Variants in DGKI observed in about 807,000 individuals in gnomAD.
The protein encoded by DGKI is diacylglycerol kinase iota, also known as DAG kinase iota.
Under a neutral mutation model 147.5 loss-of-function variants are expected in DGKI, and 55 were observed. The observed-to-expected ratio is 0.37, with a 90% CI of 0.30 to 0.47. DGKI has a LOEUF of 0.47. Among genes scored for constraint, DGKI ranks in the 20% least tolerant of loss-of-function variants. The pLI, the probability that DGKI is intolerant of heterozygous loss-of-function variation, is 1.00. For missense variants in DGKI, 1,007 were observed against 1,323.8 expected (o/e 0.76, Z 3.71); for synonymous variants, 469 against 477.1 (o/e 0.98, Z 0.22).
At chr7:137,834,393 A>T (rs564312487) in intron 1 of DGKI, among the ~76,000 whole-genome samples, 1 of 152,186 alleles carries the variant, frequency 6.6e-6, no homozygotes, top group Non-Finnish European at 1.5e-5. Flanking sequence ...GAGAGGCATT[A>T]ATTGTTCGAG....
intron 1 of DGKI, among the ~76,000 whole-genome samples, chr7:137,729,773 T>C (rs1794817237): frequency 6.6e-6 from 1 of 152,122 alleles, no homozygotes; most frequent in Non-Finnish European, 1.5e-5. Flanking sequence ...TGTCTTTTTC[T>C]TGAAATTTTC....
chr7:137,451,812 T>C (rs1040150030), intron 27 of DGKI, among the ~76,000 whole-genome samples: 30 of 152,128 alleles, frequency 2.0e-4, no homozygotes, highest in African/African-American at 7.3e-4. Flanking sequence ...TCAATAACAC[T>C]GTCCAGTTTT....
At chr7:137,438,507 G>A (rs890215275) in intron 28 of DGKI, among the ~76,000 whole-genome samples, 17 of 152,008 alleles carry the variant, frequency 1.1e-4, no homozygotes, top group African/African-American at 4.1e-4. Context: ...GATCACTCTG[G>A]AAAACAACAT....
chr7:137,732,441 T>C (rs535673606), intron 1 of DGKI, among the ~76,000 whole-genome samples: 2 of 152,130 alleles, frequency 1.3e-5, no homozygotes, highest in East Asian at 3.9e-4. Context: ...TGTTCAACAG[T>C]TAATGTCTTA....
chr7:137,568,567 A>C (rs997502510), intron 19 of DGKI, among the ~76,000 whole-genome samples: 11 of 152,200 alleles, frequency 7.2e-5, no homozygotes, highest in African/African-American at 2.7e-4. Context: ...GAAGATCTAG[A>C]GGTCAAGGTG....
chr7:137,771,421 C>T (rs1265456768), intron 1 of DGKI, among the ~76,000 whole-genome samples: 1 of 152,148 alleles, frequency 6.6e-6, no homozygotes. Flanking sequence ...AAAGCATTTA[C>T]TTACTAGTTA....
chr7:137,664,193 G>T (rs532855177), intron 3 of DGKI, among the ~76,000 whole-genome samples: 1 of 151,878 alleles, frequency 6.6e-6, no homozygotes, highest in African/African-American at 2.4e-5. Context: ...CCTGGCCAAC[G>T]TGTCAAAAGC....
chr7:137,469,438 A>G (rs763074384), intron 24 of DGKI, 112 bp downstream of exon 24: 2 of 1,076,918 alleles, frequency 1.9e-6, no homozygotes, highest in East Asian at 2.4e-5. Context: ...GTGGAGTCAC[A>G]TGAAGGCTTT....
intron 20 of DGKI, among the ~76,000 whole-genome samples, chr7:137,528,074 GA>G (rs1429021859): frequency 1.3e-5 from 2 of 152,126 alleles, no homozygotes; most frequent in Non-Finnish European, 2.9e-5. Flanking sequence ...TGAATGCAAG[GA>G]AATCAAATTC....
At chr7:137,638,550 GTGTGTATATATATACACACATATATGTA>G (rs1821464331) in intron 6 of DGKI, among the ~76,000 whole-genome samples, 1 of 85,458 alleles carries the variant, frequency 1.2e-5, no homozygotes, top group Admixed American at 1.1e-4. Context: ...GTATATATAT[GTGTGTATATATATACACACATATATGTA>G]TATATACACA....
chr7:137,743,712 G>A (rs749332658), intron 1 of DGKI, among the ~76,000 whole-genome samples: 22 of 152,124 alleles, frequency 1.4e-4, no homozygotes, highest in Admixed American at 2.6e-4. Flanking sequence ...GGCCGGGCGC[G>A]GTGGCTGACA....
At chr7:137,831,262 C>T (rs149631779) in intron 1 of DGKI, among the ~76,000 whole-genome samples, 6 of 152,170 alleles carry the variant, frequency 3.9e-5, no homozygotes, top group Non-Finnish European at 5.9e-5. Context: ...GGAATTTTAT[C>T]GGGAAGATGT....
chr7:137,399,801 T>G (rs1209140249), intron 30 of DGKI, among the ~76,000 whole-genome samples: 4 of 151,668 alleles, frequency 2.6e-5, no homozygotes, highest in African/African-American at 9.7e-5. Context: ...TCCCATCTAC[T>G]CAGGAGGCTG....
chr7:137,639,633 A>G (rs1821550229), intron 6 of DGKI, among the ~76,000 whole-genome samples: 1 of 152,156 alleles, frequency 6.6e-6, no homozygotes, highest in South Asian at 2.1e-4. Context: ...CAACAGCAGC[A>G]GCCAGAAGAA....
At position 137,525,472 on chromosome 7, in the gene DGKI, C is replaced by T. The variant is rs189470214; in HGVS notation, c.2148-3506G>A. Reference sequence around the variant, plus strand: ...TAAACCTTCTCGAATCATTTGCAACCCTGGTGTAAACAGCAGGTATGGGAG... The same window carrying T: ...TAAACCTTCTCGAATCATTTGCAACTCTGGTGTAAACAGCAGGTATGGGAG... On this transcript the variant is annotated intron_variant, in intron 20 of 32. Transcript: ENST00000614521. Among the ~76,000 whole-genome samples, 231 of 152,236 alleles carry T rather than the reference C, an allele frequency of 1.5e-3. 1 individual carries two copies. The highest frequency in any genetic ancestry group is 2.5e-3 in the Non-Finnish European group (167 of 68,008).
intron 15 of DGKI, among the ~76,000 whole-genome samples, chr7:137,579,684 A>T (rs1819121310): frequency 6.6e-6 from 1 of 152,082 alleles, no homozygotes; most frequent in Non-Finnish European, 1.5e-5. Flanking sequence ...CTCCCTTAAC[A>T]GCCCTTCAGT....
chr7:137,476,513 T>C (rs975669481), intron 23 of DGKI, among the ~76,000 whole-genome samples: 1 of 152,194 alleles, frequency 6.6e-6, no homozygotes, highest in Non-Finnish European at 1.5e-5. Flanking sequence ...GAATTCACAA[T>C]TGGAGTGTTC....
intron 20 of DGKI, among the ~76,000 whole-genome samples, chr7:137,531,018 T>C (rs1036201179): frequency 1.3e-5 from 2 of 152,166 alleles, no homozygotes; most frequent in African/African-American, 4.8e-5. Context: ...TTTAAAAAAG[T>C]ATTTTAAGGT....
At chr7:137,793,750 C>T (rs142609814) in intron 1 of DGKI, among the ~76,000 whole-genome samples, 1 of 152,276 alleles carries the variant, frequency 6.6e-6, no homozygotes, top group African/African-American at 2.4e-5. Context: ...AATATGTTCT[C>T]ATTCAAAGAT....
Sources: gnomAD v4.1 joint callset for allele counts (sites outside exome capture counted in the v4.1 genomes callset) on GRCh38, gnomAD v4.1.1 for gene constraint, MANE v1.5 for transcripts, NCBI Gene and HGNC (gene_info 2026-07-23, HGNC 2026-07-21) for gene names.